The following DNAJB6 variants were observed in gnomAD, a reference collection of about 807,000 sequenced individuals.
DNAJB6 encodes the protein DnaJ heat shock protein family (Hsp40) member B6.
A neutral mutation model predicts 42.7 loss-of-function variants in DNAJB6; 16 were observed. That is an observed-to-expected ratio of 0.37 (90% CI 0.25 to 0.57). DNAJB6 has a LOEUF of 0.57. Among genes scored for constraint, DNAJB6 ranks in the 20% least tolerant of loss-of-function variants. The pLI, the probability that DNAJB6 is intolerant of heterozygous loss-of-function variation, is 0.74. For missense variants in DNAJB6, 347 were observed against 416.8 expected (o/e 0.83, Z 1.46); for synonymous variants, 170 against 163.5 (o/e 1.04, Z -0.30).
intron 1 of DNAJB6, among the ~76,000 whole-genome samples, chr7:157,346,316 T>TTA (rs767232510): frequency 4.2e-5 from 5 of 117,732 alleles, no homozygotes; most frequent in African/African-American, 1.2e-4. Context: ...CAAGGAGTAG[T>TTA]AAAAAAAAAA....
At chr7:157,358,702 ACTT>A (rs1475265728) in intron 2 of DNAJB6, 65 bp downstream of exon 2, 12 of 1,286,644 alleles carry the variant, frequency 9.3e-6, no homozygotes, top group South Asian at 2.4e-5. Flanking sequence ...GAGTAGTATA[ACTT>A]CTTCTATTGC....
chr7:157,407,907 C>T (rs931744516), intron 8 of DNAJB6, among the ~76,000 whole-genome samples: 8 of 152,320 alleles, frequency 5.3e-5, no homozygotes, highest in East Asian at 1.9e-4. Flanking sequence ...GGGGCCTGGT[C>T]GGGCGCCCTG....
intron 8 of DNAJB6, among the ~76,000 whole-genome samples, chr7:157,408,630 G>C (rs962495644): frequency 7.2e-5 from 11 of 152,262 alleles, no homozygotes; most frequent in Non-Finnish European, 1.5e-4. Context: ...CTCGGAGCCC[G>C]TTCTCTCTGT....
At chr7:157,408,536 T>C (rs1563153036) in intron 8 of DNAJB6, among the ~76,000 whole-genome samples, 1 of 152,190 alleles carries the variant, frequency 6.6e-6, no homozygotes, top group Admixed American at 6.5e-5. Context: ...GTGGGGGTCT[T>C]CCTTAGGCCA....
chr7:157,387,800 G>A (rs146557318), intron 8 of DNAJB6, among the ~76,000 whole-genome samples: 110 of 152,172 alleles, frequency 7.2e-4, no homozygotes, highest in African/African-American at 2.6e-3. Flanking sequence ...TGAGGAGGAG[G>A]GAGCATTCAT....
chr7:157,387,268 A>G (rs1801112288), intron 8 of DNAJB6, among the ~76,000 whole-genome samples: 1 of 152,208 alleles, frequency 6.6e-6, no homozygotes, highest in Non-Finnish European at 1.5e-5. Context: ...CAAGAAGAAC[A>G]ACGAGTGATG....
intron 8 of DNAJB6, among the ~76,000 whole-genome samples, chr7:157,387,965 C>A (rs1373553504): frequency 6.6e-6 from 1 of 152,030 alleles, no homozygotes; most frequent in Non-Finnish European, 1.5e-5. Flanking sequence ...CCTGCCTCAG[C>A]CTCCTGAGTA....
chr7:157,407,108 T>G (rs1033290763), intron 8 of DNAJB6, among the ~76,000 whole-genome samples: 2 of 150,998 alleles, frequency 1.3e-5, no homozygotes, highest in Admixed American at 6.6e-5. Context: ...GTGGGGGGGG[T>G]CCCAACCGCA....
At chr7:157,372,897 C>T (rs146432048) in intron 5 of DNAJB6, among the ~76,000 whole-genome samples, 140 of 152,274 alleles carry the variant, frequency 9.2e-4, no homozygotes, top group Non-Finnish European at 1.5e-3. Flanking sequence ...ATGGCCCATC[C>T]GATGTTGACA....
intron 1 of DNAJB6, among the ~76,000 whole-genome samples, chr7:157,353,625 G>T (rs993320489): frequency 2.7e-5 from 4 of 149,478 alleles, no homozygotes; most frequent in Admixed American, 1.3e-4. Context: ...GTGTGTGTAT[G>T]TATTTTTTTT....
At chr7:157,382,398 ATC>A in intron 6 of DNAJB6, 21 bp downstream of exon 6, 2 of 1,593,078 alleles carry the variant, frequency 1.3e-6, no homozygotes, top group South Asian at 2.3e-5. Context: ...CCTAGGTTTA[ATC>A]TCTGTTATCT....
chr7:157,411,751 C>T (rs905036204), intron 9 of DNAJB6: 1 of 84,298 alleles, frequency 1.2e-5, no homozygotes, highest in Non-Finnish European at 2.4e-5. Flanking sequence ...ACCGCAGGCC[C>T]GAGGCCACAC....
At chr7:157,400,732 A>T (rs1396988470) in intron 8 of DNAJB6, among the ~76,000 whole-genome samples, 1 of 152,178 alleles carries the variant, frequency 6.6e-6, no homozygotes, top group Non-Finnish European at 1.5e-5. Flanking sequence ...TTGATGAGGC[A>T]CACAGGTCAT....
intron 8 of DNAJB6, among the ~76,000 whole-genome samples, chr7:157,388,611 A>T (rs985442669): frequency 2.0e-5 from 3 of 149,272 alleles, no homozygotes; most frequent in African/African-American, 7.4e-5. Context: ...TAAAGTCTTT[A>T]ATTTTTAAAA....
At chr7:157,383,235 C>T (rs1281085098) in intron 6 of DNAJB6, among the ~76,000 whole-genome samples, 1 of 152,050 alleles carries the variant, frequency 6.6e-6, no homozygotes, top group Non-Finnish European at 1.5e-5. Context: ...GTTGAACTGA[C>T]CTCGGGTGGA....
Position 157,358,530 on chromosome 7 carries a change from C to G in DNAJB6, c.-26-17C>G. On this transcript the variant is annotated splice_polypyrimidine_tract_variant and intron_variant, in intron 1 of 9. Coordinates refer to ENST00000262177, the MANE Select transcript of DNAJB6 (RefSeq NM_058246.4). ...TCCCCAGCAGCCTCATCACTGACCA[C>G]CTGTTTTTACTTGCAGGACCCATTC... The G allele has an allele frequency of 6.4e-7, 1 of 1,558,700 alleles. No individual in the cohort carries two copies. The highest frequency in any genetic ancestry group is 8.8e-7 in the Non-Finnish European group (1 of 1,130,676).
chr7:157,387,871 A>G (rs544554702), intron 8 of DNAJB6, among the ~76,000 whole-genome samples: 1 of 152,138 alleles, frequency 6.6e-6, no homozygotes, highest in Admixed American at 6.5e-5. Context: ...TTTGAGACGG[A>G]GTCTTGCTCT....
At chr7:157,339,617 G>T (rs1046934908) in intron 1 of DNAJB6, among the ~76,000 whole-genome samples, 29 of 102,770 alleles carry the variant, frequency 2.8e-4, no homozygotes, top group African/African-American at 7.5e-4. Context: ...GTGTGTGTGT[G>T]TGTGTGTGTG....
chr7:157,382,348 T>C lies in DNAJB6; in HGVS notation c.449T>C (p.Phe150Ser), dbSNP rs989242880. 3 of 1,610,706 alleles carry C rather than the reference T, an allele frequency of 1.9e-6. No homozygotes were observed. The highest frequency in any genetic ancestry group is 1.3e-5 in the African/African-American group (1 of 74,724). Reference protein sequence around the residue: ...FFSAFSGFPSFGSGFSSFDTG... With the variant: ...FFSAFSGFPSSGSGFSSFDTG... ...TCTGCGTTCAGTGGATTTCCGTCTT[T>C]TGGAAGTGGATTTTCTTCTTTTGAT... The change falls in exon 6 of 10, where the codon TTT (phenylalanine) becomes TCT (serine). Residue 150 changes from phenylalanine (F) to serine (S), a missense_variant. Around this residue, in one of 3 missense-constraint regions of DNAJB6, gnomAD observed 264 missense variants for 288.0 expected, o/e 0.92. Transcript: ENST00000262177.
Sources: gnomAD v4.1 joint callset for allele counts (sites outside exome capture counted in the v4.1 genomes callset) on GRCh38, gnomAD v4.1.1 for gene constraint, gnomAD v4.1.1 regional missense constraint, MANE v1.5 for transcripts, NCBI Gene and HGNC (gene_info 2026-07-23, HGNC 2026-07-21) for gene names.